The following LPIN1 variants were observed in gnomAD, a reference collection of about 807,000 sequenced individuals.
The protein encoded by LPIN1 is phosphatidate phosphatase LPIN1.
Under a neutral mutation model 107.5 loss-of-function variants are expected in LPIN1, and 71 were observed. The ratio of observed to expected loss-of-function variants is 0.66; its 90% CI spans 0.55 to 0.80. The LOEUF is 0.80. Among genes scored for constraint, LPIN1 ranks in the 30% least tolerant of loss-of-function variants. The pLI is 0.00. For missense variants in LPIN1, 1,043 were observed against 1,160.6 expected (o/e 0.90, Z 1.47); for synonymous variants, 445 against 452.6 (o/e 0.98, Z 0.21).
At chr2:11,696,747 G>A (rs748912227) in intron 1 of LPIN1, among the ~76,000 whole-genome samples, 3 of 152,316 alleles carry the variant, frequency 2.0e-5, no homozygotes, top group East Asian at 1.9e-4. Context: ...ACAACTCCTC[G>A]CTTGCTCCAT....
At chr2:11,809,478 A>G (rs548506323) in intron 17 of LPIN1, among the ~76,000 whole-genome samples, 218 of 152,074 alleles carry the variant, frequency 1.4e-3, no homozygotes, top group South Asian at 4.8e-3. Context: ...GTGCAATGGC[A>G]TGATCTTGGC....
upstream of LPIN1, chr2:11,724,214 C>A: frequency 2.1e-6 from 1 of 482,208 alleles, no homozygotes; most frequent in Non-Finnish European, 2.7e-6. Flanking sequence ...TGAAACCTGG[C>A]TCACTCCTCT....
At chr2:11,781,549 A>G (rs1673572670) in intron 7 of LPIN1, among the ~76,000 whole-genome samples, 1 of 152,252 alleles carries the variant, frequency 6.6e-6, no homozygotes, top group Non-Finnish European at 1.5e-5. Flanking sequence ...CGGTAGAATC[A>G]GAAATGCTAA....
At position 11,697,027 on chromosome 2, in the gene LPIN1, C is replaced by A. The variant is rs1361197383; in HGVS notation, c.82-16729C>A. On this transcript the variant is annotated intron_variant, in intron 1 of 21. Transcript: ENST00000449576. The surrounding 1 kb of genome is among the most constrained non-coding windows in gnomAD (Gnocchi z 4.6). ...CTTCAGAACAGGGGCTCCTGCCCAG[C>A]CTCTGGGTCCCCCACCTGTGGCCCA... is the stretch of plus-strand genomic sequence containing the variant. 6.6e-6 allele frequency among the ~76,000 whole-genome samples: 1 copy of A among 152,262 alleles called. No individual in the cohort carries two copies. The highest frequency in any genetic ancestry group is 1.5e-5 in the Non-Finnish European group (1 of 68,046).
rs1670785265 is a variant in LPIN1, at chr2:11,765,844, T to C, written c.192+111T>C. ...TCAGACCCAGAGTTTTAGGTCTTCGTTGGAAATGGCCAGTCACGGAACTGA... is the reference window on the plus strand; with the variant it reads ...TCAGACCCAGAGTTTTAGGTCTTCGCTGGAAATGGCCAGTCACGGAACTGA... On this transcript the variant is annotated intron_variant, in intron 2 of 20. Coordinates refer to ENST00000674199, the MANE Select transcript of LPIN1 (RefSeq NM_001349206.2). This position sits in a 1 kb window ranked among gnomAD's most constrained non-coding sequence, Gnocchi z 4.4. 1.1e-6 allele frequency: 1 copy of C among 921,760 alleles called. No homozygotes were observed. Among genetic ancestry groups the C allele is most frequent in the East Asian group, 2.6e-5 (1 of 38,734 alleles). 57.1% of individuals were successfully genotyped at this position (921,760 alleles called of 1,614,324 possible).
intron 19 of LPIN1, 48 bp from the exon 20 acceptor site, chr2:11,820,363 A>G (rs780511191): frequency 2.4e-5 from 30 of 1,258,492 alleles, no homozygotes; most frequent in Admixed American, 3.4e-5. Flanking sequence ...TGTTTTTACA[A>G]TGAACTCTTT....
At chr2:11,752,632 CG>C (rs1668026453) in intron 1 of LPIN1, among the ~76,000 whole-genome samples, 1 of 150,572 alleles carries the variant, frequency 6.6e-6, no homozygotes, top group Non-Finnish European at 1.5e-5. Context: ...GGGGTTTCAC[CG>C]TTTTAGCCGG....
intron 1 of LPIN1, chr2:11,764,102 ATAC>A: frequency 7.5e-6 from 1 of 133,748 alleles, no homozygotes; most frequent in Non-Finnish European, 1.6e-5. Context: ...ATATATATAT[ATAC>A]ACACACACAC....
At chr2:11,808,856 G>A (rs1428183312) in intron 17 of LPIN1, among the ~76,000 whole-genome samples, 1 of 147,104 alleles carries the variant, frequency 6.8e-6, no homozygotes, top group Non-Finnish European at 1.5e-5. Context: ...GGGTGACAGA[G>A]TGAGACACCA....
intron 14 of LPIN1, among the ~76,000 whole-genome samples, chr2:11,800,308 C>G (rs1478867891): frequency 6.6e-6 from 1 of 152,186 alleles, no homozygotes; most frequent in Non-Finnish European, 1.5e-5. Context: ...AGCTGGGTCT[C>G]CACATAAGTG....
At chr2:11,693,788 GTATATATATATATATA>G (rs869167624) in intron 1 of LPIN1, among the ~76,000 whole-genome samples, 2,846 of 40,912 alleles carry the variant, frequency 0.07, 201 homozygotes, top group South Asian at 0.16. Flanking sequence ...GTGTGAGTGT[GTATATATATATATATA>G]TATATATATA....
intron 17 of LPIN1, 127 bp downstream of exon 17, chr2:11,805,283 G>T: frequency 2.6e-6 from 2 of 760,618 alleles, no homozygotes; most frequent in Non-Finnish European, 2.3e-6. Context: ...AACCAGGGAG[G>T]GGCAGTGGGG....
intron 16 of LPIN1, among the ~76,000 whole-genome samples, chr2:11,804,803 G>A (rs1678366318): frequency 6.6e-6 from 1 of 152,050 alleles, no homozygotes; most frequent in African/African-American, 2.4e-5. Context: ...TTCTGTGGGG[G>A]CTTCTCAAGA....
chr2:11,778,138 G>A (rs903406002), intron 6 of LPIN1, among the ~76,000 whole-genome samples: 2 of 151,620 alleles, frequency 1.3e-5, no homozygotes, highest in Admixed American at 6.6e-5. Context: ...ACATGGACGT[G>A]GGGGGGCCCA....
intron 6 of LPIN1, among the ~76,000 whole-genome samples, chr2:11,776,620 T>C (rs1443985789): frequency 6.6e-6 from 1 of 152,238 alleles, no homozygotes; most frequent in African/African-American, 2.4e-5. Flanking sequence ...AATACCACTT[T>C]AATTTATTAT....
In LPIN1 at chr2:11,786,866, T is replaced by A. The variant is rs776640282; in HGVS notation, c.1550-208T>A. On this transcript the variant is annotated intron_variant, in intron 10 of 20. Coordinates refer to ENST00000674199, the MANE Select transcript of LPIN1 (RefSeq NM_001349206.2). The surrounding 1 kb of genome is among the most constrained non-coding windows in gnomAD (Gnocchi z 4.1). ...ACACGTCCCCCAACATCCTCAGCCT[T>A]GCCCTGGCCTCCCTGCATTGCTGCA... 1.5e-4 allele frequency among the ~76,000 whole-genome samples: 23 copies of A among 152,240 alleles called. No homozygotes were observed. The highest frequency in any genetic ancestry group is 7.3e-5 in the Non-Finnish European group (5 of 68,042).
chr2:11,815,384 C>A, intron 18 of LPIN1, 144 bp downstream of exon 18: 1 of 1,076,478 alleles, frequency 9.3e-7, no homozygotes, highest in Non-Finnish European at 1.4e-6. Context: ...AAAAATCATT[C>A]CAAACACAGG....
chr2:11,776,486 A>G (rs1672703471), intron 6 of LPIN1, among the ~76,000 whole-genome samples: 2 of 151,510 alleles, frequency 1.3e-5, no homozygotes, highest in South Asian at 4.2e-4. Context: ...ATGGTTAAGC[A>G]TATAATTTTA....
rs1284883267 is a variant in LPIN1 at position 11,690,584 on chromosome 2, G to C, written c.81+12856G>C. ...TTAATTCTCCTTTCTGGCACGATTAGACACAAATTTGAACCTCACTGTATC... is the reference window on the plus strand; with the variant it reads ...TTAATTCTCCTTTCTGGCACGATTACACACAAATTTGAACCTCACTGTATC... On this transcript the variant is annotated intron_variant, in intron 1 of 21. Coordinates refer to the LPIN1 transcript ENST00000449576. Among the ~76,000 whole-genome samples, 4 of 152,200 alleles carry C rather than the reference G, an allele frequency of 2.6e-5. No individual in the cohort carries two copies. The East Asian group carries it at 7.7e-4, about 29-fold the overall frequency.
Sources: allele counts gnomAD v4.1 joint callset (sites outside exome capture counted in the v4.1 genomes callset), GRCh38; gene constraint gnomAD v4.1.1; non-coding constraint Gnocchi (gnomAD v3.1); transcripts MANE v1.5; gene names NCBI Gene and HGNC (gene_info 2026-07-23, HGNC 2026-07-21).